MKLN1: variants seen among roughly 807,000 people sequenced by gnomAD.
MKLN1 encodes muskelin.
MKLN1 carries 18 observed loss-of-function variants against 99.0 expected under a neutral mutation model. That is an observed-to-expected ratio of 0.18 (90% CI 0.13 to 0.27). The LOEUF (loss-of-function observed/expected upper bound fraction) is 0.27, where lower values mean the gene tolerates loss of function less well. MKLN1 is among the 10% of genes least tolerant of loss of function. The pLI is 1.00. For synonymous variants in MKLN1, 288 were observed against 293.2 expected (o/e 0.98, Z 0.18); for missense variants, 621 against 875.9 (o/e 0.71, Z 3.67).
intron 17 of MKLN1, among the ~76,000 whole-genome samples, chr7:131,484,478 G>A (rs559702400): frequency 6.6e-6 from 1 of 152,170 alleles, no homozygotes; most frequent in East Asian, 1.9e-4. Flanking sequence ...ATCTGAAACT[G>A]GAGATTATAA....
At chr7:131,217,699 A>AAAAAC (rs777195781) in intron 3 of MKLN1, among the ~76,000 whole-genome samples, 5 of 152,356 alleles carry the variant, frequency 3.3e-5, no homozygotes, top group African/African-American at 9.6e-5. Flanking sequence ...CTCTGTCTCA[A>AAAAAC]AAAACAAAAC....
intron 6 of MKLN1, among the ~76,000 whole-genome samples, chr7:131,401,097 T>C (rs185661360): frequency 9.2e-5 from 14 of 152,282 alleles, no homozygotes; most frequent in African/African-American, 2.9e-4. Flanking sequence ...AGTTCCTGCC[T>C]GCTAAATAGG....
intron 9 of MKLN1, 78 bp from the exon 10 acceptor site, chr7:131,437,707 A>T: frequency 1.7e-6 from 2 of 1,144,206 alleles, no homozygotes; most frequent in Non-Finnish European, 2.5e-6. Context: ...AATGACGTTT[A>T]ATTTTTCTAT....
intron 10 of MKLN1, among the ~76,000 whole-genome samples, chr7:131,438,227 A>G (rs1291943324): frequency 6.6e-6 from 1 of 152,088 alleles, no homozygotes; most frequent in Non-Finnish European, 1.5e-5. Flanking sequence ...CTGTTGATTT[A>G]TAGAAACTTT....
chr7:131,209,020 T>C (rs933927168), intron 3 of MKLN1, among the ~76,000 whole-genome samples: 1 of 152,198 alleles, frequency 6.6e-6, no homozygotes, highest in Non-Finnish European at 1.5e-5. Flanking sequence ...GTGATCTCAA[T>C]GACAGGGAGG....
chr7:131,338,874 C>T (rs1320414502), intron 1 of MKLN1, among the ~76,000 whole-genome samples: 1 of 152,204 alleles, frequency 6.6e-6, no homozygotes, highest in East Asian at 1.9e-4. Context: ...CTGCTTCTGC[C>T]ACCTTGAGAC....
At chr7:131,242,653 G>A in intron 3 of MKLN1, 2 of 580,428 alleles carry the variant, frequency 3.4e-6, no homozygotes, top group Admixed American at 2.3e-5. Flanking sequence ...TATTCTGGAT[G>A]CAAAGCCATC....
chr7:131,405,101 T>C (rs931454939), intron 6 of MKLN1, among the ~76,000 whole-genome samples: 3 of 152,110 alleles, frequency 2.0e-5, no homozygotes, highest in Admixed American at 2.0e-4. Context: ...CTAGGAATTG[T>C]CTATAATTGT....
chr7:131,303,376 G>A (rs1400371067), intron 3 of MKLN1, among the ~76,000 whole-genome samples: 1 of 152,228 alleles, frequency 6.6e-6, no homozygotes, highest in Admixed American at 6.5e-5. Context: ...CTTGGGCAAA[G>A]GGCCCATTGG....
intron 1 of MKLN1, among the ~76,000 whole-genome samples, chr7:131,373,286 T>C (rs911834948): frequency 3.9e-5 from 6 of 152,098 alleles, no homozygotes; most frequent in African/African-American, 1.4e-4. Flanking sequence ...TCTCCAATTT[T>C]TGAATATTGA....
intron 12 of MKLN1, among the ~76,000 whole-genome samples, chr7:131,461,873 T>C (rs910192797): frequency 3.3e-5 from 5 of 152,202 alleles, no homozygotes; most frequent in African/African-American, 1.2e-4. Flanking sequence ...ATAAGAAAAT[T>C]TGTCATTTGC....
chr7:131,290,038 G>C (rs1798193678), intron 3 of MKLN1, among the ~76,000 whole-genome samples: 1 of 152,164 alleles, frequency 6.6e-6, no homozygotes. Context: ...AGGTGCGGTG[G>C]GTTGCACCTG....
chr7:131,204,933 C>CAAAAAAAA (rs61100568), intron 3 of MKLN1, among the ~76,000 whole-genome samples: 43 of 130,258 alleles, frequency 3.3e-4, no homozygotes, highest in African/African-American at 1.0e-3. Context: ...GACTCCGTAT[C>CAAAAAAAA]AAAAAAAAAA....
At chr7:131,308,084 G>C (rs1798495258) in intron 3 of MKLN1, among the ~76,000 whole-genome samples, 1 of 152,060 alleles carries the variant, frequency 6.6e-6, no homozygotes. Flanking sequence ...GAGATCTGAT[G>C]GTTTAAGTGT....
chr7:131,218,282 G>C (rs552549480), intron 3 of MKLN1, among the ~76,000 whole-genome samples: 1 of 152,322 alleles, frequency 6.6e-6, no homozygotes, highest in East Asian at 1.9e-4. Flanking sequence ...CATGACTCCT[G>C]AGTAGTAAGT....
intron 15 of MKLN1, among the ~76,000 whole-genome samples, chr7:131,467,416 G>C (rs570226233): frequency 7.2e-5 from 11 of 152,166 alleles, no homozygotes; most frequent in Non-Finnish European, 1.6e-4. Flanking sequence ...GTTTGTACAG[G>C]TGAGGGGGGT....
chr7:131,467,303 C>G (rs1286124677), intron 15 of MKLN1, among the ~76,000 whole-genome samples: 1 of 152,094 alleles, frequency 6.6e-6, no homozygotes. Flanking sequence ...AATCTGCCCT[C>G]AAGTGTCCGT....
At chr7:131,228,033 C>T (rs1282032634) in intron 3 of MKLN1, among the ~76,000 whole-genome samples, 1 of 152,042 alleles carries the variant, frequency 6.6e-6, no homozygotes, top group Admixed American at 6.6e-5. Flanking sequence ...CTTTGTTTTT[C>T]ATCCTCTTTT....
At chr7:131,239,552 A>G (rs998756715) in intron 3 of MKLN1, among the ~76,000 whole-genome samples, 4 of 152,090 alleles carry the variant, frequency 2.6e-5, no homozygotes, top group Admixed American at 1.3e-4. Context: ...TCATGACCTT[A>G]AGCTATCTTC....
Sources: gnomAD v4.1 joint callset for allele counts (sites outside exome capture counted in the v4.1 genomes callset) on GRCh38, gnomAD v4.1.1 for gene constraint, MANE v1.5 for transcripts, NCBI Gene and HGNC (gene_info 2026-07-23, HGNC 2026-07-21) for gene names.